RGPD3: variants seen among roughly 807,000 people sequenced by gnomAD.
RGPD3 encodes RANBP2 like and GRIP domain containing 3.
A neutral mutation model predicts 154.5 loss-of-function variants in RGPD3; 62 were observed. The ratio of observed to expected loss-of-function variants is 0.40; its 90% CI spans 0.33 to 0.50. The LOEUF (loss-of-function observed/expected upper bound fraction) is 0.50, where lower values mean the gene tolerates loss of function less well. RGPD3 is among the 20% of genes least tolerant of loss of function. The pLI is 0.59. For missense variants in RGPD3, 919 were observed against 1,716.8 expected (o/e 0.54, Z 8.21); for synonymous variants, 308 against 607.0 (o/e 0.51, Z 7.24).
At chr2:106,448,751 C>T (rs1321395222) in intron 6 of RGPD3, among the ~76,000 whole-genome samples, 2 of 151,950 alleles carry the variant, frequency 1.3e-5, no homozygotes, top group Non-Finnish European at 2.9e-5. Context: ...AGTGCAGTGA[C>T]ACAATCTTGG....
At chr2:106,467,900 G>A (rs1442699507) in intron 1 of RGPD3, among the ~76,000 whole-genome samples, 7 of 140,628 alleles carry the variant, frequency 5.0e-5, no homozygotes, top group Non-Finnish European at 7.7e-5. Flanking sequence ...GGTCGAGGCC[G>A]GCGCCTCAAC....
At position 106,465,728 on chromosome 2, in the gene RGPD3, AT is replaced by A. The variant is rs879651342; in HGVS notation, c.72+2488del. Among the ~76,000 whole-genome samples the A allele has an allele frequency of 3.6e-3, 536 of 147,040 alleles. 3 individuals are homozygous for A. The highest frequency in any genetic ancestry group is 0.011 in the African/African-American group (428 of 40,220). On this transcript the variant is annotated intron_variant, in intron 1 of 22. Coordinates refer to ENST00000409886, the MANE Select transcript of RGPD3 (RefSeq NM_001144013.2). ...ACTAACGATTTGTAAGAACTTTAGA[AT>A]TTTTTTTTTTTAAGCAAAGTCAGCT...
upstream of RGPD3, chr2:106,470,852 A>G (rs557460023): frequency 2.0e-5 from 32 of 1,603,216 alleles, 1 homozygote; most frequent in Admixed American, 6.9e-5. Flanking sequence ...CACTAACGCC[A>G]TCTAGTGGAG....
At chr2:106,468,533 C>A (rs965948682), upstream of RGPD3, among the ~76,000 whole-genome samples, 3 of 152,194 alleles carry the variant, frequency 2.0e-5, no homozygotes, top group Non-Finnish European at 4.4e-5. Context: ...CCGCCGGGCG[C>A]CGTGGCTCAC....
At chr2:106,450,107 C>T (rs1256354193) in intron 6 of RGPD3, among the ~76,000 whole-genome samples, 33 of 142,254 alleles carry the variant, frequency 2.3e-4, no homozygotes, top group African/African-American at 6.6e-4. Flanking sequence ...GGGCTGGGCG[C>T]GGTGGCTCAT....
intron 6 of RGPD3, among the ~76,000 whole-genome samples, chr2:106,451,144 C>T (rs1245151927): frequency 6.7e-6 from 1 of 149,130 alleles, no homozygotes; most frequent in East Asian, 2.0e-4. Flanking sequence ...AACCCACATA[C>T]AAACATCTTT....
chr2:106,425,151 T>G lies in RGPD3; in HGVS notation c.2816A>C (p.Lys939Thr). 6.2e-7 allele frequency: 1 copy of G among 1,611,966 alleles called. No individual in the cohort carries two copies. The highest frequency in any genetic ancestry group is 8.5e-7 in the Non-Finnish European group (1 of 1,179,846). Residue 939 changes from lysine (K) to threonine (T), a missense_variant, in exon 20 of 23, where the codon AAG (lysine) becomes ACG (threonine). Transcript: ENST00000409886. Reference sequence around the variant, plus strand: ...TAAGCCAGTATCATTTTCAAGAGGCTTTTCACTTTTCTTTTCTTGATTTCC... The same window carrying G: ...TAAGCCAGTATCATTTTCAAGAGGCGTTTCACTTTTCTTTTCTTGATTTCC... ...EPGNQEKKSE[K>T]PLENDTGLQA...
At chr2:106,459,420 A>T in intron 1 of RGPD3, 88 bp from the exon 2 acceptor site, 1 of 557,710 alleles carries the variant, frequency 1.8e-6, no homozygotes, top group Non-Finnish European at 3.1e-6. Context: ...CCCTAAGTTT[A>T]TGTTCAAATA....
chr2:106,469,575 G>A (rs1298683220), upstream of RGPD3, among the ~76,000 whole-genome samples: 2 of 152,164 alleles, frequency 1.3e-5, no homozygotes, highest in Non-Finnish European at 2.9e-5. Context: ...ACACTCACAT[G>A]TCCTTTAAAT....
intron 4 of RGPD3, among the ~76,000 whole-genome samples, chr2:106,455,174 A>G (rs538599945): frequency 6.6e-6 from 1 of 152,112 alleles, no homozygotes; most frequent in African/African-American, 2.4e-5. Context: ...TCTCAAAAAA[A>G]TAGAAATAAA....
At chr2:106,421,130 G>A (rs1676972843) in intron 20 of RGPD3, among the ~76,000 whole-genome samples, 1 of 152,058 alleles carries the variant, frequency 6.6e-6, no homozygotes, top group Non-Finnish European at 1.5e-5. Context: ...TTCCACTTCT[G>A]GTATTACTCA....
At chr2:106,434,168 G>A (rs188048799) in intron 15 of RGPD3, 60 bp downstream of exon 15, 77,565 of 1,594,012 alleles carry the variant, frequency 0.049, 2,242 homozygotes, top group Non-Finnish European at 0.058. Context: ...TAAGACCAAC[G>A]CAAAAACACT....
chr2:106,403,406 T>C lies in RGPD3; in HGVS notation c.*1813A>G, dbSNP rs1164534556. Reference sequence around the variant, plus strand: ...ACATAAAAGAGCTGCCATAAAAATATACAGTTAAACATATTTAATAGAAAT... The same window carrying C: ...ACATAAAAGAGCTGCCATAAAAATACACAGTTAAACATATTTAATAGAAAT... On this transcript the variant is annotated 3_prime_UTR_variant, in exon 23 of 23. Transcript: ENST00000409886. Among the ~76,000 whole-genome samples, 4 of 151,900 alleles carry C rather than the reference T, an allele frequency of 2.6e-5. No individual in the cohort carries two copies. Among genetic ancestry groups the C allele is most frequent in the African/African-American group, 9.7e-5 (4 of 41,404 alleles).
At chr2:106,415,797 G>T in intron 21 of RGPD3, 53 bp downstream of exon 21, 2 of 1,611,122 alleles carry the variant, frequency 1.2e-6, no homozygotes, top group East Asian at 2.2e-5. Flanking sequence ...TGTATGGAGG[G>T]TCCAGAAAAC....
At chr2:106,447,770 T>C (rs1474260641) in intron 6 of RGPD3, among the ~76,000 whole-genome samples, 157 bp from the exon 7 acceptor site, 8 of 139,496 alleles carry the variant, frequency 5.7e-5, no homozygotes, top group Non-Finnish European at 1.2e-4. Flanking sequence ...AAATTATGAA[T>C]CATCTAATGC....
intron 1 of RGPD3, among the ~76,000 whole-genome samples, chr2:106,465,733 T>A (rs1678553089): frequency 5.3e-5 from 8 of 152,196 alleles, no homozygotes; most frequent in Admixed American, 5.2e-4. Flanking sequence ...TTAGAATTTT[T>A]TTTTTTTAAG....
At chr2:106,412,307 T>G (rs1460538095) in intron 22 of RGPD3, among the ~76,000 whole-genome samples, 998 of 77,126 alleles carry the variant, frequency 0.013, no homozygotes, top group Non-Finnish European at 0.02. Context: ...TTTTTTTTTT[T>G]TTTTTTTTTT....
At chr2:106,470,516 G>C (rs1368085121), upstream of RGPD3, among the ~76,000 whole-genome samples, 1 of 151,994 alleles carries the variant, frequency 6.6e-6, no homozygotes. Flanking sequence ...TGAGTCATGA[G>C]TCTTTCTTAA....
chr2:106,413,233 G>C lies in RGPD3; in HGVS notation c.5117C>G (p.Ser1706Cys), dbSNP rs1326614100. The C allele has an allele frequency of 3.1e-6, 5 of 1,611,868 alleles. No individual in the cohort carries two copies. The highest frequency in any genetic ancestry group is 1.3e-5 in the African/African-American group (1 of 74,860). ...RLERNQEQEV[S>C]AANVEHLKNV... ...CTTCAAGTGTTCCACGTTAGCTGCA[G>C]ACACCTCTTGCTCTTGATTCCTTTC... Residue 1706 changes from serine to cysteine, a missense_variant, in exon 22 of 23, where the codon TCT (serine) becomes TGT (cysteine). Transcript: ENST00000409886.
Sources: gnomAD v4.1 joint callset for allele counts (sites outside exome capture counted in the v4.1 genomes callset) on GRCh38, gnomAD v4.1.1 for gene constraint, MANE v1.5 for transcripts, NCBI Gene and HGNC (gene_info 2026-07-23, HGNC 2026-07-21) for gene names.